Variants in GLUD1 observed in about 807,000 individuals in gnomAD.
GLUD1 encodes glutamate dehydrogenase 1, mitochondrial.
A neutral mutation model predicts 56.0 loss-of-function variants in GLUD1; 22 were observed. The ratio of observed to expected loss-of-function variants is 0.39; its 90% CI spans 0.28 to 0.56. GLUD1 has a LOEUF of 0.56. Among genes scored for constraint, GLUD1 ranks in the 20% least tolerant of loss-of-function variants. The pLI, the probability that GLUD1 is intolerant of heterozygous loss-of-function variation, is 0.58. For missense variants in GLUD1, 451 were observed against 732.0 expected, an observed-to-expected ratio of 0.62 and a Z score of 4.43; for synonymous variants, 223 against 269.9, an observed-to-expected ratio of 0.83 and a Z score of 1.70.
intron 1 of GLUD1, among the ~76,000 whole-genome samples, chr10:87,084,887 A>G (rs952506308): frequency 4.6e-5 from 7 of 152,220 alleles, no homozygotes; most frequent in African/African-American, 1.7e-4. Context: ...CTAACCCACA[A>G]TAATGTAGCG....
chr10:87,068,845 G>A (rs1466238132), intron 4 of GLUD1, among the ~76,000 whole-genome samples: 1 of 151,656 alleles, frequency 6.6e-6, no homozygotes, highest in Non-Finnish European at 1.5e-5. Flanking sequence ...TACTACTGAC[G>A]GCTACAGTAA....
At chr10:87,065,118 C>T (rs990374407) in intron 5 of GLUD1, among the ~76,000 whole-genome samples, 1 of 151,968 alleles carries the variant, frequency 6.6e-6, no homozygotes, top group Non-Finnish European at 1.5e-5. Context: ...TGGTGAAACA[C>T]CGTCTCTACT....
chr10:87,052,917 A>C (rs1845676879), intron 12 of GLUD1, among the ~76,000 whole-genome samples: 3 of 152,162 alleles, frequency 2.0e-5, no homozygotes. Context: ...ATCTGAACCC[A>C]AGAAGAAATT....
At position 87,060,248 on chromosome 10, in the gene GLUD1, G is replaced by T; in HGVS notation, c.1198-7C>A. On this transcript the variant is annotated splice_region_variant and splice_polypyrimidine_tract_variant and intron_variant, in intron 8 of 12. Coordinates refer to ENST00000277865, the MANE Select transcript of GLUD1 (RefSeq NM_005271.5). Reference sequence around the variant, plus strand: ...TGGCACCTTCAGCAATGATCTGCAAGAGAGTCAGGAACATAGAGAAATGCG... The same window carrying T: ...TGGCACCTTCAGCAATGATCTGCAATAGAGTCAGGAACATAGAGAAATGCG... 1 of 1,590,668 alleles carries T rather than the reference G, an allele frequency of 6.3e-7. No homozygotes were observed. Among genetic ancestry groups the T allele is most frequent in the South Asian group, 1.1e-5 (1 of 90,560 alleles).
At chr10:87,061,198 G>T in intron 6 of GLUD1, 146 bp from the exon 7 acceptor site, 1 of 821,014 alleles carries the variant, frequency 1.2e-6, no homozygotes, top group Middle Eastern at 2.2e-4. Flanking sequence ...TGTACTAACT[G>T]GTTTCTCTTC....
intron 1 of GLUD1, among the ~76,000 whole-genome samples, chr10:87,083,944 A>C (rs1258829827): frequency 6.6e-6 from 1 of 152,222 alleles, no homozygotes; most frequent in Non-Finnish European, 1.5e-5. Flanking sequence ...GAAGGTAAAT[A>C]CTTTTAACAA....
rs1218323827 is a variant in GLUD1, at chr10:87,094,667, C to A, written c.103G>T (p.Gly35Ter). The A allele has an allele frequency of 1.3e-6, 2 of 1,563,440 alleles. No homozygotes were observed. ...DSAALLGWAR[G>*]QPAAAPQPGL... ...GGCTGCGGGGCGGCGGCGGGCTGTC[C>A]CCGGGCCCAGCCCAGCAACGCGGCC... The change falls in exon 1 of 13, where the codon GGA becomes TGA. Residue 35 changes from glycine to a stop codon, truncating the protein, a stop_gained. Transcript: ENST00000277865. LOFTEE classifies it high-confidence loss of function. This position sits in a 1 kb window ranked among gnomAD's most constrained non-coding sequence, Gnocchi z 6.6.
At chr10:87,059,588 C>T (rs556762914) in intron 9 of GLUD1, among the ~76,000 whole-genome samples, 23 of 152,338 alleles carry the variant, frequency 1.5e-4, no homozygotes, top group African/African-American at 5.1e-4. Flanking sequence ...TGCCCACCAA[C>T]CAGTTGGACT....
rs1248191512 is a variant in GLUD1 at position 87,051,746 on chromosome 10, T to C, written c.*5A>G. On this transcript the variant is annotated 3_prime_UTR_variant, in exon 13 of 13. Transcript: ENST00000277865. ...AGGATAGTGAGGAAGTCAGCCATGA[T>C]CCATCTATGTGAAGGTCACACCAGC... is the stretch of plus-strand genomic sequence containing the variant. 7 of 1,612,330 alleles carry C rather than the reference T, an allele frequency of 4.3e-6. No homozygotes were observed. The highest frequency in any genetic ancestry group is 5.9e-6 in the Non-Finnish European group (7 of 1,179,944).
chr10:87,066,381 C>G (rs183979781), intron 5 of GLUD1, among the ~76,000 whole-genome samples: 1 of 152,268 alleles, frequency 6.6e-6, no homozygotes, highest in East Asian at 1.9e-4. Flanking sequence ...GTTTTCAGGA[C>G]AAAGACCAAA....
In GLUD1 at chr10:87,060,671, T is replaced by G; in HGVS notation, c.1197+17A>C. 6.2e-7 allele frequency: 1 copy of G among 1,614,124 alleles called. No individual in the cohort carries two copies. Among genetic ancestry groups the G allele is most frequent in the Non-Finnish European group, 8.5e-7 (1 of 1,180,024 alleles). On this transcript the variant is annotated intron_variant, in intron 8 of 12. Transcript: ENST00000277865. ...TCACATTGATAATGTTGGTTCTGGT[T>G]TCTATAATGTTGTCACCTTGGCTTT... is the stretch of plus-strand genomic sequence containing the variant.
At chr10:87,071,970 T>C (rs190349377) in intron 4 of GLUD1, among the ~76,000 whole-genome samples, 14 of 152,312 alleles carry the variant, frequency 9.2e-5, no homozygotes, top group African/African-American at 3.4e-4. Context: ...GAAGGCTTAA[T>C]ATGGTTAAGA....
Position 87,076,047 on chromosome 10 carries a change from C to T in GLUD1, c.527-24G>A, listed in dbSNP as rs201337151. On this transcript the variant is annotated intron_variant, in intron 2 of 12. Coordinates refer to ENST00000277865, the MANE Select transcript of GLUD1 (RefSeq NM_005271.5). Reference sequence around the variant, plus strand: ...ATCTGAAAGAGAAGGCTGATGGTTGCTATTCCATATAAATGTTAAAAAAGT... The same window carrying T: ...ATCTGAAAGAGAAGGCTGATGGTTGTTATTCCATATAAATGTTAAAAAAGT... 1.2e-4 allele frequency: 188 copies of T among 1,555,056 alleles called. No homozygotes were observed. The African/African-American group carries it at 1.5e-3, about 12-fold the overall frequency.
chr10:87,059,070 G>A (rs1845863028), intron 10 of GLUD1, 80 bp downstream of exon 10: 2 of 1,505,860 alleles, frequency 1.3e-6, no homozygotes, highest in East Asian at 2.3e-5. Flanking sequence ...AAAGGGATCA[G>A]TTCTCTTAAG....
chr10:87,061,462 G>T (rs1326032469), intron 6 of GLUD1, among the ~76,000 whole-genome samples: 1 of 152,060 alleles, frequency 6.6e-6, no homozygotes, highest in Non-Finnish European at 1.5e-5. Context: ...AGGTTGCAGT[G>T]AGCCGAGACT....
intron 5 of GLUD1, 88 bp downstream of exon 5, chr10:87,067,975 G>T: frequency 2.6e-6 from 2 of 777,578 alleles, no homozygotes; most frequent in Non-Finnish European, 4.6e-6. Context: ...AAAACCCAGG[G>T]ATTCTCAACT....
Position 87,057,596 on chromosome 10 carries a change from G to A in GLUD1, c.1494+95C>T, listed in dbSNP as rs1845817348. ...CACTTACTGTCAAGCTAATTACAAAGACTATGCCGCAGATGAAATCCATCT... is the reference window on the plus strand; with the variant it reads ...CACTTACTGTCAAGCTAATTACAAAAACTATGCCGCAGATGAAATCCATCT... On this transcript the variant is annotated intron_variant, in intron 11 of 12. Coordinates refer to ENST00000277865, the MANE Select transcript of GLUD1 (RefSeq NM_005271.5). The A allele has an allele frequency of 3.8e-6, 3 of 787,508 alleles. No individual in the cohort carries two copies. The East Asian group carries it at 7.3e-5, about 19-fold the overall frequency. 48.8% of individuals were successfully genotyped at this position (787,508 alleles called of 1,614,324 possible). A position where few individuals can be genotyped will look rare whatever the true frequency, so the allele number is the denominator to read the frequency against.
intron 1 of GLUD1, among the ~76,000 whole-genome samples, chr10:87,078,662 T>C (rs1338604070): frequency 6.6e-6 from 1 of 152,202 alleles, no homozygotes; most frequent in Non-Finnish European, 1.5e-5. Flanking sequence ...ATATTTGACA[T>C]ACATGTTAAG....
intron 6 of GLUD1, 136 bp from the exon 7 acceptor site, chr10:87,061,188 T>A (rs1845920147): frequency 1.2e-6 from 1 of 859,150 alleles, no homozygotes. Flanking sequence ...AAAGAAACAA[T>A]GTACTAACTG....
Sources: allele counts gnomAD v4.1 joint callset (sites outside exome capture counted in the v4.1 genomes callset), GRCh38; gene constraint gnomAD v4.1.1; non-coding constraint Gnocchi (gnomAD v3.1); transcripts MANE v1.5; gene names NCBI Gene and HGNC (gene_info 2026-07-23, HGNC 2026-07-21).